The following SRCIN1 variants were observed in gnomAD, a reference collection of about 807,000 sequenced individuals.
SRCIN1 encodes SRC kinase signaling inhibitor 1.
SRCIN1 carries 50 observed loss-of-function variants against 116.2 expected under a neutral mutation model. The ratio of observed to expected loss-of-function variants is 0.43; its 90% CI spans 0.34 to 0.54. The LOEUF is 0.54. SRCIN1 is among the 20% of genes least tolerant of loss of function. The pLI is 0.02. For missense variants in SRCIN1, 1,446 were observed against 1,672.0 expected, an observed-to-expected ratio of 0.86 and a Z score of 2.36; for synonymous variants, 736 against 750.0, an observed-to-expected ratio of 0.98 and a Z score of 0.30.
rs1264529385 is a variant in SRCIN1 at position 38,604,507 on chromosome 17, C to A, written c.22+1177G>T. 2.4e-5 allele frequency: 11 copies of A among 454,764 alleles called. No homozygotes were observed. The highest frequency in any genetic ancestry group is 4.4e-6 in the Non-Finnish European group (1 of 226,224). 28.2% of individuals were successfully genotyped at this position (454,764 alleles called of 1,614,324 possible). ...GCTCCCCTCGGCCCCCAGGGTCCCTCGGTCCAGCCTCCTCCCTGGGAGAGC... is the reference window on the plus strand; with the variant it reads ...GCTCCCCTCGGCCCCCAGGGTCCCTAGGTCCAGCCTCCTCCCTGGGAGAGC... On this transcript the variant is annotated intron_variant, in intron 1 of 18. Coordinates refer to ENST00000617146, the MANE Select transcript of SRCIN1 (RefSeq NM_025248.3). The surrounding 1 kb of genome is among the most constrained non-coding windows in gnomAD (Gnocchi z 4.3).
chr17:38,566,686 C>T (rs1014172373), intron 3 of SRCIN1, among the ~76,000 whole-genome samples: 1 of 152,116 alleles, frequency 6.6e-6, no homozygotes, highest in Non-Finnish European at 1.5e-5. Context: ...GGGATTGGAG[C>T]CTGGGGTTCG....
At chr17:38,591,690 G>C (rs970684465) in intron 1 of SRCIN1, among the ~76,000 whole-genome samples, 6 of 152,122 alleles carry the variant, frequency 3.9e-5, no homozygotes, top group Admixed American at 2.6e-4. Context: ...TCAGACCTCA[G>C]GGGGCCAGCC....
Position 38,575,998 on chromosome 17 carries a change from A to C in SRCIN1, c.324+2492T>G, listed in dbSNP as rs570773961. ...TCTAAGTGGGGAAACGAATGAGTGA[A>C]AGAAGAAAGGAACAAATTTGTGGGT... On this transcript the variant is annotated intron_variant, in intron 2 of 18. Coordinates refer to ENST00000617146, the MANE Select transcript of SRCIN1 (RefSeq NM_025248.3). Among the ~76,000 whole-genome samples the C allele has an allele frequency of 5.9e-5, 9 of 152,330 alleles. No homozygotes were observed. In the East Asian group the frequency reaches 1.7e-3, roughly 29 times the overall value.
Position 38,558,397 on chromosome 17 carries a change from C to T in SRCIN1, c.2031G>A (p.Gln677=). The change falls in exon 11 of 19, where the codon CAG becomes CAA. Residue 677 remains glutamine, a synonymous_variant. Coordinates refer to ENST00000617146, the MANE Select transcript of SRCIN1 (RefSeq NM_025248.3). The surrounding 1 kb of genome is among the most constrained non-coding windows in gnomAD (Gnocchi z 4.6). ...GCAGCGCGCGCACCGACTCCTGGTT[C>T]TGTAGCTGCGGGACGCACGGACGGA... ...QLQQLRKLQL[Q]NQESVRALLK... 1.3e-6 allele frequency: 2 copies of T among 1,598,738 alleles called. No individual in the cohort carries two copies. The highest frequency in any genetic ancestry group is 1.7e-6 in the Non-Finnish European group (2 of 1,177,282).
chr17:38,559,919 C>T (rs906442274), intron 9 of SRCIN1, 135 bp downstream of exon 9: 3 of 1,347,580 alleles, frequency 2.2e-6, no homozygotes, highest in African/African-American at 1.4e-5. Context: ...TCAGCCCTAA[C>T]GGTGGGGACC....
intron 2 of SRCIN1, among the ~76,000 whole-genome samples, chr17:38,569,119 G>A (rs1906908893): frequency 6.6e-6 from 1 of 152,190 alleles, no homozygotes. Flanking sequence ...CTGGCTGATT[G>A]AGGAGGGCTC....
In SRCIN1 at chr17:38,568,462, G is replaced by T. The variant is rs117342133; in HGVS notation, c.325-231C>A. Among the ~76,000 whole-genome samples the T allele has an allele frequency of 4.1e-3, 620 of 152,328 alleles. 10 individuals are homozygous for T. The highest frequency in any genetic ancestry group is 0.014 in the African/African-American group (589 of 41,582). On this transcript the variant is annotated intron_variant, in intron 2 of 18. Coordinates refer to ENST00000617146, the MANE Select transcript of SRCIN1 (RefSeq NM_025248.3). The surrounding 1 kb of genome is among the most constrained non-coding windows in gnomAD (Gnocchi z 4.5). ...TGAGCAGGCGCTACAGCGACTCCTC[G>T]CAGAGTTACTGGTGGGAAAAGGCAC...
Position 38,561,458 on chromosome 17 carries a change from C to T in SRCIN1, c.1700+5G>A, listed in dbSNP as rs1004823150. ...AGTCCCTGAGGCCTGGTTAACGTCC[C>T]TCACCTGGTCTCCGTGTCCTTGGCT... On this transcript the variant is annotated splice_donor_5th_base_variant and intron_variant, in intron 7 of 18. Coordinates refer to ENST00000617146, the MANE Select transcript of SRCIN1 (RefSeq NM_025248.3). 5 of 1,572,648 alleles carry T rather than the reference C, an allele frequency of 3.2e-6. No homozygotes were observed. Among genetic ancestry groups the T allele is most frequent in the Non-Finnish European group, 4.3e-6 (5 of 1,167,828 alleles).
rs1295090197 is a variant in SRCIN1, at chr17:38,530,643, C to A, written c.*2654G>T. 1 of 152,352 alleles carries A rather than the reference C, an allele frequency of 6.6e-6. No homozygotes were observed. The allele number at this position is 152,352 out of a possible 1,614,324, so 9.4% of individuals were successfully genotyped here. Reference sequence around the variant, plus strand: ...ACTTGGGTCTGCACCAGCACACATACCTGCACACACACACTCGGAGACACA... The same window carrying A: ...ACTTGGGTCTGCACCAGCACACATAACTGCACACACACACTCGGAGACACA... On this transcript the variant is annotated 3_prime_UTR_variant, in exon 19 of 19. Transcript: ENST00000617146.
At chr17:38,586,787 G>A (rs1475477422) in intron 1 of SRCIN1, among the ~76,000 whole-genome samples, 2 of 152,238 alleles carry the variant, frequency 1.3e-5, no homozygotes, top group African/African-American at 2.4e-5. Flanking sequence ...AAACCAATTT[G>A]TGCAGATTTA....
chr17:38,563,193 G>A lies in SRCIN1; in HGVS notation c.740+130C>T. On this transcript the variant is annotated intron_variant, in intron 5 of 18. Coordinates refer to ENST00000617146, the MANE Select transcript of SRCIN1 (RefSeq NM_025248.3). The surrounding 1 kb of genome is among the most constrained non-coding windows in gnomAD (Gnocchi z 5.8). ...GCCGAGGAAGGGGGCGGGGCGGTAG[G>A]GCTCTGGGAGGGGAGGGGAAAGGCT... The A allele has an allele frequency of 9.5e-7, 1 of 1,051,226 alleles. No individual in the cohort carries two copies. 65.1% of individuals were successfully genotyped at this position (1,051,226 alleles called of 1,614,324 possible). A position where few individuals can be genotyped will look rare whatever the true frequency, so the allele number is the denominator to read the frequency against.
At chr17:38,605,023 C>T (rs1019999233) in intron 1 of SRCIN1, among the ~76,000 whole-genome samples, 4 of 151,698 alleles carry the variant, frequency 2.6e-5, no homozygotes, top group African/African-American at 9.7e-5. Flanking sequence ...TCTGCAACTG[C>T]TGCTGAGGCT....
rs1165415365 is a variant in SRCIN1 at position 38,531,348 on chromosome 17, C to T, written c.*1949G>A. On this transcript the variant is annotated 3_prime_UTR_variant, in exon 19 of 19. Transcript: ENST00000617146. ...CCGACGTGCCCGCCCCCCAGCCCCC[C>T]TCCCCCGCCAAAACAGTGGCCAGGG... 6.6e-6 allele frequency: 1 copy of T among 151,318 alleles called. No individual in the cohort carries two copies. Among genetic ancestry groups the T allele is most frequent in the Non-Finnish European group, 1.5e-5 (1 of 67,828 alleles). 9.4% of individuals were successfully genotyped at this position (151,318 alleles called of 1,614,324 possible). A position where few individuals can be genotyped will look rare whatever the true frequency, so the allele number is the denominator to read the frequency against.
chr17:38,590,541 A>G (rs1184976678), intron 1 of SRCIN1, among the ~76,000 whole-genome samples: 1 of 152,204 alleles, frequency 6.6e-6, no homozygotes, highest in Non-Finnish European at 1.5e-5. Context: ...CAGCCATGAT[A>G]ACCACCCTTG....
At chr17:38,536,749 G>A (rs1422487674) in intron 18 of SRCIN1, among the ~76,000 whole-genome samples, 1 of 152,210 alleles carries the variant, frequency 6.6e-6, no homozygotes, top group African/African-American at 2.4e-5. Context: ...AGCCCAGAGT[G>A]GGGGATGTGG....
chr17:38,555,628 T>A (rs1263821952), intron 11 of SRCIN1, among the ~76,000 whole-genome samples: 20 of 152,184 alleles, frequency 1.3e-4, no homozygotes, highest in Non-Finnish European at 2.5e-4. Context: ...GATTAACTAG[T>A]TAGTTCAAGG....
intron 11 of SRCIN1, among the ~76,000 whole-genome samples, chr17:38,554,981 T>G (rs750360994): frequency 6.6e-6 from 1 of 152,136 alleles, no homozygotes; most frequent in Non-Finnish European, 1.5e-5. Context: ...AACTAGCAGG[T>G]GAAAAGACAG....
At chr17:38,605,204 G>T (rs1273362956) in intron 1 of SRCIN1, among the ~76,000 whole-genome samples, 1 of 151,728 alleles carries the variant, frequency 6.6e-6, no homozygotes, top group East Asian at 2.0e-4. Context: ...CCCATTCTGG[G>T]AGCTGGGGGA....
intron 18 of SRCIN1, among the ~76,000 whole-genome samples, chr17:38,543,508 C>CG (rs2144902900): frequency 6.6e-6 from 1 of 152,328 alleles, no homozygotes; most frequent in African/African-American, 2.4e-5. Context: ...GTCACAAACT[C>CG]GCTCGCTCGC....
Sources: allele counts gnomAD v4.1 joint callset (sites outside exome capture counted in the v4.1 genomes callset), GRCh38; gene constraint gnomAD v4.1.1; non-coding constraint Gnocchi (gnomAD v3.1); transcripts MANE v1.5; gene names NCBI Gene and HGNC (gene_info 2026-07-23, HGNC 2026-07-21).